The following DPYSL5 variants were observed in gnomAD, a reference collection of about 807,000 sequenced individuals.
The protein encoded by DPYSL5 is dihydropyrimidinase-related protein 5.
A neutral mutation model predicts 58.4 loss-of-function variants in DPYSL5; 9 were observed. That is an observed-to-expected ratio of 0.15 (90% CI 0.09 to 0.27). DPYSL5 has a LOEUF of 0.27. DPYSL5 is among the 10% of genes least tolerant of loss of function. The pLI is 1.00. For synonymous variants in DPYSL5, 293 were observed against 301.9 expected (o/e 0.97, Z 0.31); for missense variants, 499 against 770.6 (o/e 0.65, Z 4.17).
rs1281123576 is a variant in DPYSL5, at chr2:26,934,924, G to C, written c.947+190G>C. ...GGATTTTATGACCGCTTGATATGGA[G>C]TGAGATCTTCTGAAGTATAAGAGTG... On this transcript the variant is annotated intron_variant, in intron 8 of 12. Transcript: ENST00000288699. This position sits in a 1 kb window ranked among gnomAD's most constrained non-coding sequence, Gnocchi z 4.3. 2.0e-5 allele frequency among the ~76,000 whole-genome samples: 3 copies of C among 151,796 alleles called. No homozygotes were observed. The highest frequency in any genetic ancestry group is 7.2e-5 in the African/African-American group (3 of 41,404).
At position 26,948,306 on chromosome 2, in the gene DPYSL5, T is replaced by C. The variant is rs1050825737; in HGVS notation, c.*1311T>C. On this transcript the variant is annotated 3_prime_UTR_variant, in exon 13 of 13. Transcript: ENST00000288699. Reference sequence around the variant, plus strand: ...GCTCAGGTGCCGTGATCTCCCGTGGTCGGCACCAGGCCCTTGCCAGCTCAT... The same window carrying C: ...GCTCAGGTGCCGTGATCTCCCGTGGCCGGCACCAGGCCCTTGCCAGCTCAT... 1.3e-5 allele frequency: 2 copies of C among 152,320 alleles called. No homozygotes were observed. The highest frequency in any genetic ancestry group is 4.8e-5 in the African/African-American group (2 of 41,462). 9.4% of individuals were successfully genotyped at this position (152,320 alleles called of 1,614,324 possible). A position where few individuals can be genotyped will look rare whatever the true frequency, so the allele number is the denominator to read the frequency against.
intron 1 of DPYSL5, among the ~76,000 whole-genome samples, chr2:26,894,502 G>C (rs1663964572): frequency 6.6e-6 from 1 of 152,158 alleles, no homozygotes; most frequent in African/African-American, 2.4e-5. Context: ...TTGTTGGAGG[G>C]ATCTAATCAA....
chr2:26,882,192 A>AT (rs1210967568), intron 1 of DPYSL5, among the ~76,000 whole-genome samples: 1 of 151,886 alleles, frequency 6.6e-6, no homozygotes, highest in East Asian at 1.9e-4. Flanking sequence ...CCTTATTTCA[A>AT]TTTTTTTTCA....
At chr2:26,858,451 G>T (rs1045209017) in intron 1 of DPYSL5, among the ~76,000 whole-genome samples, 1 of 151,924 alleles carries the variant, frequency 6.6e-6, no homozygotes, top group African/African-American at 2.4e-5. Flanking sequence ...GATTACAGGC[G>T]TGAGCCACCG....
intron 2 of DPYSL5, among the ~76,000 whole-genome samples, chr2:26,904,872 C>T (rs1664250425): frequency 6.6e-6 from 1 of 152,186 alleles, no homozygotes; most frequent in Non-Finnish European, 1.5e-5. Context: ...CCACTGCACC[C>T]CAGCCTGGGT....
rs1665540385 is a variant in DPYSL5, at chr2:26,948,208, G to C, written c.*1213G>C. 6.6e-6 allele frequency: 1 copy of C among 152,372 alleles called. No homozygotes were observed. The highest frequency in any genetic ancestry group is 2.4e-5 in the African/African-American group (1 of 41,446). The allele number at this position is 152,372 out of a possible 1,614,324, so 9.4% of individuals were successfully genotyped here. A position where few individuals can be genotyped will look rare whatever the true frequency, so the allele number is the denominator to read the frequency against. On this transcript the variant is annotated 3_prime_UTR_variant, in exon 13 of 13. Transcript: ENST00000288699. ...CATGCCTGCTGAGAGAGGAGGAGTG[G>C]GAGAGGGGCTTGCCAGACACCAGAG...
intron 1 of DPYSL5, among the ~76,000 whole-genome samples, chr2:26,881,095 C>T (rs946767519): frequency 2.6e-5 from 4 of 152,162 alleles, no homozygotes; most frequent in Admixed American, 6.5e-5. Context: ...GCTGGGAAAA[C>T]GGGCCTGGGA....
intron 1 of DPYSL5, among the ~76,000 whole-genome samples, chr2:26,881,597 C>T (rs1295213417): frequency 6.6e-6 from 1 of 152,136 alleles, no homozygotes; most frequent in East Asian, 1.9e-4. Context: ...CAGGAGCAGG[C>T]ACAGGAGGAA....
chr2:26,872,493 C>G (rs1186087095), intron 1 of DPYSL5, among the ~76,000 whole-genome samples: 2 of 152,134 alleles, frequency 1.3e-5, no homozygotes, highest in Non-Finnish European at 2.9e-5. Context: ...AGTTCAAGAA[C>G]AGCCTGCCCA....
intron 1 of DPYSL5, among the ~76,000 whole-genome samples, chr2:26,876,646 C>T (rs530844482): frequency 2.0e-5 from 3 of 150,916 alleles, no homozygotes; most frequent in African/African-American, 7.3e-5. Flanking sequence ...CTCCCGAGTA[C>T]CTGGGAGTAC....
In DPYSL5 at chr2:26,932,204, AAAGAAAAGAAAG is replaced by A. The variant is rs1269446797; in HGVS notation, c.714+523_714+534del. Among the ~76,000 whole-genome samples, 183 of 71,998 alleles carry A rather than the reference AAAGAAAAGAAAG, an allele frequency of 2.5e-3. 1 individual carries two copies. Among genetic ancestry groups the A allele is most frequent in the Non-Finnish European group, 3.5e-3 (115 of 32,936 alleles). 47.2% of individuals were successfully genotyped at this position (71,998 alleles called of 152,430 possible). A position where few individuals can be genotyped will look rare whatever the true frequency, so the allele number is the denominator to read the frequency against. ...GAAAGAAAGAAAGAAAGAAAGAAAG[AAAGAAAAGAAAG>A]AAAGAAAGAAAGAAAGAAAACCAAC... On this transcript the variant is annotated intron_variant, in intron 6 of 12. Transcript: ENST00000288699.
rs1433542295 is a variant in DPYSL5, at chr2:26,933,973, T to A, written c.791-605T>A. ...AAGCAAGGGCATCTCAGCCTTCAACTATAATCGATCAGAAGCAAGGGCATC... is the reference window on the plus strand; with the variant it reads ...AAGCAAGGGCATCTCAGCCTTCAACAATAATCGATCAGAAGCAAGGGCATC... On this transcript the variant is annotated intron_variant, in intron 7 of 12. Transcript: ENST00000288699. This position sits in a 1 kb window ranked among gnomAD's most constrained non-coding sequence, Gnocchi z 4.2. 1.3e-5 allele frequency among the ~76,000 whole-genome samples: 2 copies of A among 152,094 alleles called. No homozygotes were observed. The highest frequency in any genetic ancestry group is 4.8e-5 in the African/African-American group (2 of 41,408).
intron 1 of DPYSL5, among the ~76,000 whole-genome samples, chr2:26,885,670 A>T (rs1040014105): frequency 6.6e-6 from 1 of 152,184 alleles, no homozygotes; most frequent in African/African-American, 2.4e-5. Flanking sequence ...GTAACATTAG[A>T]CAGAGACTCT....
At chr2:26,928,718 T>A (rs112794902) in intron 5 of DPYSL5, among the ~76,000 whole-genome samples, 1 of 58,150 alleles carries the variant, frequency 1.7e-5, no homozygotes, top group Non-Finnish European at 3.8e-5. Context: ...CACACACACA[T>A]ACATATATAT....
intron 1 of DPYSL5, among the ~76,000 whole-genome samples, chr2:26,886,334 C>G (rs759337539): frequency 8.5e-5 from 13 of 152,114 alleles, no homozygotes; most frequent in Non-Finnish European, 1.9e-4. Flanking sequence ...GAGACTTAAA[C>G]AGTAATGACA....
In DPYSL5 at chr2:26,924,445, A is replaced by C. The variant is rs1452708492; in HGVS notation, c.262-442A>C. On this transcript the variant is annotated intron_variant, in intron 2 of 12. Transcript: ENST00000288699. The surrounding 1 kb of genome is among the most constrained non-coding windows in gnomAD (Gnocchi z 4.7). ...ATACGTGTGTAACTAAGTAAATGAT[A>C]TAAACAGACATTTGATTATGCCATC... Among the ~76,000 whole-genome samples the C allele has an allele frequency of 1.3e-5, 2 of 152,244 alleles. No individual in the cohort carries two copies. Among genetic ancestry groups the C allele is most frequent in the Non-Finnish European group, 2.9e-5 (2 of 68,034 alleles).
chr2:26,870,032 A>G (rs1454343276), intron 1 of DPYSL5, among the ~76,000 whole-genome samples: 1 of 152,032 alleles, frequency 6.6e-6, no homozygotes, highest in African/African-American at 2.4e-5. Context: ...ACAAAAACAT[A>G]ATGTATCTTC....
chr2:26,922,749 T>C (rs954305790), intron 2 of DPYSL5, among the ~76,000 whole-genome samples: 2 of 152,224 alleles, frequency 1.3e-5, no homozygotes, highest in African/African-American at 2.4e-5. Flanking sequence ...TACAACCACC[T>C]GCTGTGAGGA....
intron 1 of DPYSL5, among the ~76,000 whole-genome samples, chr2:26,861,437 G>A (rs1666011704): frequency 6.6e-6 from 1 of 152,222 alleles, no homozygotes; most frequent in Non-Finnish European, 1.5e-5. Flanking sequence ...GCAAGTGCTT[G>A]ATGAATACCT....
Sources: gnomAD v4.1 joint callset for allele counts (sites outside exome capture counted in the v4.1 genomes callset) on GRCh38, gnomAD v4.1.1 for gene constraint, Gnocchi (gnomAD v3.1) non-coding constraint, MANE v1.5 for transcripts, NCBI Gene and HGNC (gene_info 2026-07-23, HGNC 2026-07-21) for gene names.